Variants in SRPX observed in about 807,000 individuals in gnomAD.
SRPX encodes the protein sushi repeat containing protein X-linked.
A neutral mutation model predicts 38.1 loss-of-function variants in SRPX; 24 were observed. The ratio of observed to expected loss-of-function variants is 0.63; its 90% CI spans 0.46 to 0.89. SRPX has a LOEUF of 0.89. Among genes scored for constraint, SRPX ranks in the 40% least tolerant of loss-of-function variants. The pLI, the probability that SRPX is intolerant of heterozygous loss-of-function variation, is 0.00. For synonymous variants in SRPX, 184 were observed against 153.8 expected (o/e 1.20, Z -1.45); for missense variants, 416 against 377.8 (o/e 1.10, Z -0.84).
chrX:38,191,838 C>T, intron 1 of SRPX, among the ~76,000 whole-genome samples: 1 of 112,196 alleles, frequency 8.9e-6, no homozygotes, highest in East Asian at 2.8e-4. Flanking sequence ...AATTGTATTA[C>T]ACACCTTATC....
chrX:38,193,856 C>T (rs17246673), intron 1 of SRPX, among the ~76,000 whole-genome samples: 2,117 of 111,881 alleles, frequency 0.019, 26 homozygotes, highest in Non-Finnish European at 0.029. Context: ...GTATGGTGAG[C>T]CATGTAGCCT....
Position 38,220,710 on chromosome X carries a change from C to G in SRPX, c.83G>C (p.Ser28Thr). 8 of 1,173,344 alleles carry G rather than the reference C, an allele frequency of 6.8e-6. No homozygotes were observed. Among genetic ancestry groups the G allele is most frequent in the Non-Finnish European group, 9.1e-6 (8 of 880,732 alleles). ...LLLLLLRVPP[S>T]RSFPGSGDSP... The stretch of plus-strand genomic sequence containing the variant: ...TCCGATCCTACCTGGGAAGCTGCGG[C>G]TGGGCGGGACGCGCAGCAGCAGCAG... Residue 28 changes from serine to threonine, a missense_variant, in exon 1 of 10, where the codon AGC becomes ACC. Physicochemically the swap from Ser to Thr is moderately conservative, Grantham distance 58 (BLOSUM62 1). Transcript: ENST00000378533.
In SRPX at chrX:38,220,765, G is replaced by T. The variant is rs975409101; in HGVS notation, c.28C>A (p.Leu10Met). The part of the protein sequence containing the change: MGSPAHRPA[L>M]LLLLPPLLLL... ...AGCAGAGGCGGCAGCAGCAGCAGCA[G>T]CGCGGGCCGATGTGCGGGGCTCCCC... Residue 10 changes from leucine (L) to methionine (M), a missense_variant, in exon 1 of 10, where the codon CTG becomes ATG. By Grantham distance (15) the Leu-to-Met change is conservative. Coordinates refer to ENST00000378533, the MANE Select transcript of SRPX (RefSeq NM_006307.5). 1.1e-5 allele frequency: 13 copies of T among 1,135,983 alleles called. No homozygotes were observed. In the African/African-American group the frequency reaches 1.7e-4, roughly 14 times the overall value. The allele number at this position is 1,135,983 out of a possible 1,213,427, so 93.6% of individuals were successfully genotyped here.
intron 1 of SRPX, among the ~76,000 whole-genome samples, chrX:38,180,990 T>C (rs1033475938): frequency 8.9e-6 from 1 of 112,548 alleles, no homozygotes; most frequent in Admixed American, 9.4e-5. Flanking sequence ...CAGAAGACTA[T>C]ATACTATATA....
chrX:38,202,778 A>C (rs1280639169), intron 1 of SRPX, among the ~76,000 whole-genome samples: 1 of 112,094 alleles, frequency 8.9e-6, no homozygotes, highest in East Asian at 2.8e-4. Flanking sequence ...ATCAAAACTC[A>C]CTCAAGATGA....
intron 9 of SRPX, among the ~76,000 whole-genome samples, chrX:38,151,602 G>A (rs1257329802): frequency 9.0e-6 from 1 of 111,547 alleles, no homozygotes; most frequent in Non-Finnish European, 1.9e-5. Context: ...AATGTAAAGA[G>A]GGAAAACTGT....
rs937915036 is a variant in SRPX at position 38,149,613 on chromosome X, A to G, written c.*98T>C. On this transcript the variant is annotated 3_prime_UTR_variant, in exon 10 of 10. Transcript: ENST00000378533. The stretch of plus-strand genomic sequence containing the variant: ...TAATAAAATAGACTTTTAAAATTAC[A>G]AATAAAATCTGTACATCAAGGATAT... The G allele has an allele frequency of 3.6e-6, 3 of 834,266 alleles. No homozygotes were observed. Among genetic ancestry groups the G allele is most frequent in the Non-Finnish European group, 4.9e-6 (3 of 616,832 alleles). The allele number at this position is 834,266 out of a possible 1,213,427, so 68.8% of individuals were successfully genotyped here. A position where few individuals can be genotyped will look rare whatever the true frequency, so the allele number is the denominator to read the frequency against.
At position 38,154,473 on chromosome X, in the gene SRPX, C is replaced by G. The variant is rs145370296; in HGVS notation, c.1200G>C (p.Ala400=). Reference sequence around the variant, plus strand: ...GAACTTCCCCCTACCTGAGCTGCAGCGCTAGGGCTGGAGGCATAATCTTTG... The same window carrying G: ...GAACTTCCCCCTACCTGAGCTGCAGGGCTAGGGCTGGAGGCATAATCTTTG... ...IGAKIMPPAL[A]LQLRLLLRIP... is the part of the protein sequence containing the mutation. The change falls in exon 9 of 10, where the codon GCG becomes GCC. Residue 400 remains alanine (A), a synonymous_variant. Coordinates refer to ENST00000378533, the MANE Select transcript of SRPX (RefSeq NM_006307.5). 1 of 1,204,306 alleles carries G rather than the reference C, an allele frequency of 8.3e-7. No individual in the cohort carries two copies. Among genetic ancestry groups the G allele is most frequent in the Non-Finnish European group, 1.1e-6 (1 of 891,766 alleles).
chrX:38,196,540 G>T (rs998983842), intron 1 of SRPX, among the ~76,000 whole-genome samples: 7 of 112,191 alleles, frequency 6.2e-5, no homozygotes, highest in Non-Finnish European at 1.3e-4. Context: ...ATGCTATAGG[G>T]CTCTGTGTCA....
intron 1 of SRPX, 38 bp downstream of exon 1, chrX:38,220,658 G>T: frequency 8.4e-7 from 1 of 1,186,114 alleles, no homozygotes. Context: ...GGGGTCTTTG[G>T]TGCCCAGCTG....
At chrX:38,154,886 A>G (rs188271936) in intron 8 of SRPX, among the ~76,000 whole-genome samples, 1 of 111,576 alleles carries the variant, frequency 9.0e-6, no homozygotes, top group African/African-American at 3.3e-5. Context: ...CCTAAAAAGT[A>G]TCCAAGACCA....
intron 6 of SRPX, among the ~76,000 whole-genome samples, chrX:38,160,582 G>A (rs1377797769): frequency 9.0e-6 from 1 of 111,596 alleles, no homozygotes; most frequent in East Asian, 2.8e-4. Context: ...AAATTAGGGG[G>A]CTCCTATTCA....
intron 5 of SRPX, among the ~76,000 whole-genome samples, 170 bp downstream of exon 5, chrX:38,164,599 G>C (rs755874301): frequency 8.9e-6 from 1 of 112,354 alleles, no homozygotes; most frequent in Non-Finnish European, 1.9e-5. Flanking sequence ...TTATAATAGA[G>C]ACAGGCAATC....
chrX:38,203,734 G>A (rs773095496), intron 1 of SRPX, among the ~76,000 whole-genome samples: 1 of 112,279 alleles, frequency 8.9e-6, no homozygotes, highest in Admixed American at 9.4e-5. Flanking sequence ...TGCCGAGATT[G>A]TGCCACTGCA....
rs763519626 is a variant in SRPX at position 38,159,597 on chromosome X, G to A, written c.955+420C>T. Reference sequence around the variant, plus strand: ...ATTATTTTCTTCATTTTACATAGGAGGAAAGATTCCAAATGCCCAAAGTCT... The same window carrying A: ...ATTATTTTCTTCATTTTACATAGGAAGAAAGATTCCAAATGCCCAAAGTCT... On this transcript the variant is annotated intron_variant, in intron 7 of 9. Coordinates refer to ENST00000378533, the MANE Select transcript of SRPX (RefSeq NM_006307.5). 1.7e-4 allele frequency among the ~76,000 whole-genome samples: 19 copies of A among 112,747 alleles called. No homozygotes were observed. In the South Asian group the frequency reaches 7.0e-3, roughly 41 times the overall value.
At chrX:38,150,887 C>A (rs1411604118) in intron 9 of SRPX, among the ~76,000 whole-genome samples, 1 of 111,991 alleles carries the variant, frequency 8.9e-6, no homozygotes, top group Admixed American at 9.5e-5. Context: ...CTAGAGAAAG[C>A]AAACAAACAG....
chrX:38,207,702 G>A (rs1939239287), intron 1 of SRPX, among the ~76,000 whole-genome samples: 1 of 112,245 alleles, frequency 8.9e-6, no homozygotes, highest in African/African-American at 3.2e-5. Flanking sequence ...CACTGAGCTG[G>A]AGAAGAGCTC....
intron 8 of SRPX, among the ~76,000 whole-genome samples, chrX:38,156,482 G>A (rs750695401): frequency 8.9e-6 from 1 of 111,839 alleles, no homozygotes; most frequent in African/African-American, 3.3e-5. Context: ...TGGATCACAC[G>A]TTGAGAACCA....
At chrX:38,205,059 T>C (rs1278665401) in intron 1 of SRPX, among the ~76,000 whole-genome samples, 1 of 111,906 alleles carries the variant, frequency 8.9e-6, no homozygotes, top group Non-Finnish European at 1.9e-5. Flanking sequence ...CTGCCTCAAA[T>C]TGCCAGTGGC....
Sources: allele counts gnomAD v4.1 joint callset (sites outside exome capture counted in the v4.1 genomes callset), GRCh38; gene constraint gnomAD v4.1.1; transcripts MANE v1.5; gene names NCBI Gene and HGNC (gene_info 2026-07-23, HGNC 2026-07-21).